The following FARSB variants were observed in gnomAD, a reference collection of about 807,000 sequenced individuals.
FARSB encodes phenylalanyl-tRNA synthetase subunit beta.
In FARSB, 40 loss-of-function variants were observed where a neutral mutation model predicts 69.6. The observed-to-expected ratio is 0.57, with a 90% confidence interval of 0.45 to 0.75. The LOEUF is 0.75. FARSB is among the 30% of genes least tolerant of loss of function. The pLI is 0.00. For synonymous variants in FARSB, 235 were observed against 247.2 expected (o/e 0.95, Z 0.46); for missense variants, 632 against 722.9 (o/e 0.87, Z 1.44).
intron 8 of FARSB, among the ~76,000 whole-genome samples, chr2:222,631,181 CCTT>C (rs1342602365): frequency 6.7e-6 from 1 of 148,420 alleles, no homozygotes; most frequent in African/African-American, 2.6e-5. Context: ...ATCGCCAGTT[CCTT>C]TTTTTTTTTT....
intron 13 of FARSB, 64 bp downstream of exon 13, chr2:222,623,586 G>T: frequency 1.1e-6 from 1 of 899,420 alleles, no homozygotes; most frequent in Non-Finnish European, 1.9e-6. Context: ...AAGCATCATA[G>T]AATAAATAAT....
At chr2:222,585,520 A>C (rs1404329217) in intron 16 of FARSB, among the ~76,000 whole-genome samples, 2 of 152,392 alleles carry the variant, frequency 1.3e-5, no homozygotes, top group African/African-American at 4.8e-5. Flanking sequence ...ACAGAGAATG[A>C]CTTTGACAAG....
At position 222,648,722 on chromosome 2, in the gene FARSB, CA is replaced by C; in HGVS notation, c.114+17del. ...ATGCACACAATCTTTGAAAAATAGA[CA>C]AATATCCAATACATACAATTTCATC... is the stretch of plus-strand genomic sequence containing the variant. On this transcript the variant is annotated intron_variant, in intron 2 of 16. Transcript: ENST00000281828. 6.7e-7 allele frequency: 1 copy of C among 1,485,362 alleles called. No individual in the cohort carries two copies. Among genetic ancestry groups the C allele is most frequent in the African/African-American group, 1.4e-5 (1 of 72,472 alleles). 92.0% of individuals were successfully genotyped at this position (1,485,362 alleles called of 1,614,324 possible).
At chr2:222,629,446 C>T (rs1345322727) in intron 9 of FARSB, among the ~76,000 whole-genome samples, 1 of 152,102 alleles carries the variant, frequency 6.6e-6, no homozygotes, top group African/African-American at 2.4e-5. Context: ...ACATGCTTTG[C>T]TCTTATATAT....
At position 222,630,703 on chromosome 2, in the gene FARSB, C is replaced by T. The variant is rs537987839; in HGVS notation, c.787-529G>A. On this transcript the variant is annotated intron_variant, in intron 8 of 16. Transcript: ENST00000281828. The stretch of plus-strand genomic sequence containing the variant: ...AAAAAAATTCTTAGAAAAAAAATAC[C>T]GTGACCTTATTGGAATATATGCTTT... Among the ~76,000 whole-genome samples the T allele has an allele frequency of 1.4e-4, 22 of 151,920 alleles. No individual in the cohort carries two copies. The South Asian group carries it at 4.0e-3, about 27-fold the overall frequency.
At chr2:222,614,621 GAACAC>G (rs1237530898) in intron 14 of FARSB, among the ~76,000 whole-genome samples, 2 of 152,168 alleles carry the variant, frequency 1.3e-5, no homozygotes, top group Non-Finnish European at 2.9e-5. Flanking sequence ...GAGGTAGGAG[GAACAC>G]TTGAGGCTAG....
chr2:222,593,669 A>G (rs1018744771), intron 16 of FARSB, among the ~76,000 whole-genome samples: 4 of 150,910 alleles, frequency 2.7e-5, no homozygotes, highest in African/African-American at 9.8e-5. Context: ...AGATCAGCCT[A>G]AGCAACACAG....
intron 16 of FARSB, among the ~76,000 whole-genome samples, chr2:222,583,754 T>TA (rs1559189919): frequency 6.6e-6 from 1 of 151,378 alleles, no homozygotes; most frequent in Admixed American, 6.6e-5. Flanking sequence ...AATTGAGACA[T>TA]AGAGGCAGTT....
chr2:222,607,670 G>T (rs536364526), intron 15 of FARSB, among the ~76,000 whole-genome samples: 2 of 151,310 alleles, frequency 1.3e-5, no homozygotes, highest in South Asian at 4.2e-4. Flanking sequence ...AATAAGAAAA[G>T]ATTAGAATTG....
intron 12 of FARSB, 26 bp downstream of exon 12, chr2:222,624,246 G>C: frequency 7.2e-7 from 1 of 1,382,108 alleles, no homozygotes; most frequent in Non-Finnish European, 1.0e-6. Flanking sequence ...ACAATAAGGA[G>C]TGTTTATTTA....
At chr2:222,639,303 A>G (rs146433786) in intron 5 of FARSB, among the ~76,000 whole-genome samples, 13 of 152,364 alleles carry the variant, frequency 8.5e-5, no homozygotes, top group African/African-American at 2.6e-4. Context: ...ATTCTTCTCT[A>G]TACAGTATTC....
chr2:222,598,905 GAAACAACT>G (rs1297548435), intron 16 of FARSB, among the ~76,000 whole-genome samples: 3 of 149,218 alleles, frequency 2.0e-5, no homozygotes, highest in African/African-American at 4.9e-5. Flanking sequence ...AAGTGGGTAA[GAAACAACT>G]TCCTGCTTAT....
At chr2:222,597,414 T>C (rs1441638432) in intron 16 of FARSB, among the ~76,000 whole-genome samples, 2 of 151,632 alleles carry the variant, frequency 1.3e-5, no homozygotes, top group East Asian at 3.9e-4. Context: ...TCAGAAGTAG[T>C]GACAGTTTAG....
At chr2:222,606,959 G>A (rs756696432) in intron 15 of FARSB, among the ~76,000 whole-genome samples, 1 of 152,176 alleles carries the variant, frequency 6.6e-6, no homozygotes, top group African/African-American at 2.4e-5. Context: ...TGGAGCTTGA[G>A]GTTAATAGTC....
chr2:222,584,899 A>C (rs554790800), intron 16 of FARSB, among the ~76,000 whole-genome samples: 1 of 152,274 alleles, frequency 6.6e-6, no homozygotes, highest in African/African-American at 2.4e-5. Context: ...GCCTCTGTAG[A>C]CTCCACATCT....
At chr2:222,603,638 C>T (rs1690621532) in intron 15 of FARSB, among the ~76,000 whole-genome samples, 1 of 146,918 alleles carries the variant, frequency 6.8e-6, no homozygotes, top group African/African-American at 2.5e-5. Flanking sequence ...TTGGCTGGAG[C>T]TAATACGATT....
At chr2:222,648,516 G>C (rs897920198) in intron 2 of FARSB, among the ~76,000 whole-genome samples, 1 of 152,150 alleles carries the variant, frequency 6.6e-6, no homozygotes, top group African/African-American at 2.4e-5. Flanking sequence ...CATGAGCCTG[G>C]TAACAAGGTG....
intron 5 of FARSB, 48 bp from the exon 6 acceptor site, chr2:222,634,589 G>A: frequency 7.5e-6 from 11 of 1,471,420 alleles, no homozygotes; most frequent in Non-Finnish European, 1.0e-5. Flanking sequence ...AGGAAAGGAG[G>A]AGAATGAGAC....
At chr2:222,642,693 T>G (rs1691752794) in intron 3 of FARSB, among the ~76,000 whole-genome samples, 158 bp downstream of exon 3, 3 of 152,238 alleles carry the variant, frequency 2.0e-5, no homozygotes, top group Admixed American at 2.0e-4. Context: ...GGCTACAATC[T>G]GCATGAATCT....
Sources: gnomAD v4.1 joint callset for allele counts (sites outside exome capture counted in the v4.1 genomes callset) on GRCh38, gnomAD v4.1.1 for gene constraint, MANE v1.5 for transcripts, NCBI Gene and HGNC (gene_info 2026-07-23, HGNC 2026-07-21) for gene names.